POLR2F: variants seen among roughly 807,000 people sequenced by gnomAD.
POLR2F encodes the protein RNA polymerase II, I and III subunit F.
Under a neutral mutation model 22.7 loss-of-function variants are expected in POLR2F, and 12 were observed. The observed-to-expected ratio is 0.53, with a 90% confidence interval of 0.34 to 0.86. POLR2F has a LOEUF of 0.86. POLR2F is among the 40% of genes least tolerant of loss of function. The pLI, the probability that POLR2F is intolerant of heterozygous loss-of-function variation, is 0.02. For synonymous variants in POLR2F, 57 were observed against 66.0 expected (o/e 0.86, Z 0.66); for missense variants, 126 against 171.5 (o/e 0.73, Z 1.48).
chr22:38,019,939 G>A (rs1422552381), intron 1 of POLR2F, among the ~76,000 whole-genome samples: 1 of 152,140 alleles, frequency 6.6e-6, no homozygotes, highest in Non-Finnish European at 1.5e-5. Flanking sequence ...ACTTGAACCC[G>A]GGAGGCAGAG....
chr22:38,009,768 G>A (rs1355260484), intron 1 of POLR2F, among the ~76,000 whole-genome samples: 1 of 152,132 alleles, frequency 6.6e-6, no homozygotes, highest in Non-Finnish European at 1.5e-5. Context: ...CATACAGAAG[G>A]TACTCGTTTT....
chr22:37,987,120 T>C (rs957750007), intron 1 of POLR2F: 2 of 456,578 alleles, frequency 4.4e-6, no homozygotes, highest in African/African-American at 4.0e-5. Context: ...CAAGGTGTGG[T>C]GTCTGGTAGG....
intron 1 of POLR2F, among the ~76,000 whole-genome samples, chr22:37,996,648 A>C (rs2084716874): frequency 6.6e-6 from 1 of 152,150 alleles, no homozygotes; most frequent in Non-Finnish European, 1.5e-5. Flanking sequence ...CAGGAGGAAG[A>C]GCCCTGGGTG....
At chr22:38,001,143 G>GTGGCCTCTTAC (rs1443245888) in intron 1 of POLR2F, among the ~76,000 whole-genome samples, 6 of 152,308 alleles carry the variant, frequency 3.9e-5, no homozygotes, top group African/African-American at 9.6e-5. Flanking sequence ...TCTTTGCCCT[G>GTGGCCTCTTAC]TGGCCTCTTA....
chr22:37,960,917 C>T (rs1053985912), intron 3 of POLR2F, among the ~76,000 whole-genome samples: 9 of 146,664 alleles, frequency 6.1e-5, no homozygotes, highest in Admixed American at 1.4e-4. Flanking sequence ...GGCGTGATCT[C>T]GGTTCACTGC....
At chr22:37,983,794 G>GGCA, upstream of POLR2F, 1 of 1,419,990 alleles carries the variant, frequency 7.0e-7, no homozygotes, top group Non-Finnish European at 9.2e-7. This position sits in a 1 kb window ranked among gnomAD's most constrained non-coding sequence, Gnocchi z 9.5. Flanking sequence ...TGTCGCCCCC[G>GGCA]GCCGCCGCCG....
chr22:38,040,946 G>T (rs1439809014), intron 5 of POLR2F: 5 of 1,513,440 alleles, frequency 3.3e-6, no homozygotes, highest in Non-Finnish European at 4.5e-6. Context: ...CCAGAGGAGA[G>T]AGAATAATGA....
chr22:37,969,942 G>A (rs550394431), downstream of POLR2F, among the ~76,000 whole-genome samples: 1 of 152,270 alleles, frequency 6.6e-6, no homozygotes, highest in East Asian at 1.9e-4. Flanking sequence ...TGACAGAGAA[G>A]TGTGTGCTTC....
chr22:38,040,307 A>G (rs1239620113), intron 5 of POLR2F: 1 of 146,758 alleles, frequency 6.8e-6, no homozygotes, highest in East Asian at 1.9e-4. Flanking sequence ...AAAAAAAAAG[A>G]AATTGAGAAA....
chr22:37,966,555 T>A (rs1314706728), intron 3 of POLR2F, among the ~76,000 whole-genome samples: 1 of 152,090 alleles, frequency 6.6e-6, no homozygotes, highest in African/African-American at 2.4e-5. Flanking sequence ...GGCGGATTGC[T>A]TGAGCCCAGG....
At chr22:38,040,266 C>T (rs901427549) in intron 5 of POLR2F, 6 of 108,100 alleles carry the variant, frequency 5.6e-5, no homozygotes, top group Admixed American at 2.6e-4. Flanking sequence ...GCCTGGGGGC[C>T]AGTGAGACCC....
intron 5 of POLR2F, among the ~76,000 whole-genome samples, chr22:38,036,384 A>G (rs2085116392): frequency 6.6e-6 from 1 of 151,702 alleles, no homozygotes; most frequent in Admixed American, 6.6e-5. Context: ...TCCCCGAAGG[A>G]GAGGCTTCCT....
At chr22:37,957,829 C>T (rs1444866757) in intron 2 of POLR2F, among the ~76,000 whole-genome samples, 1 of 152,198 alleles carries the variant, frequency 6.6e-6, no homozygotes, top group Non-Finnish European at 1.5e-5. Flanking sequence ...AGACTCTGCT[C>T]TGTGTGCTCT....
upstream of POLR2F, chr22:37,983,755 C>T (rs1932481133): frequency 2.7e-6 from 4 of 1,486,240 alleles, no homozygotes; most frequent in Non-Finnish European, 3.6e-6. The surrounding 1 kb of genome is among the most constrained non-coding windows in gnomAD (Gnocchi z 9.5). Flanking sequence ...GGCTCAGCTC[C>T]ACCTCCGATA....
chr22:38,027,978 A>G (rs1312679806), downstream of POLR2F, among the ~76,000 whole-genome samples: 1 of 152,088 alleles, frequency 6.6e-6, no homozygotes, highest in African/African-American at 2.4e-5. Context: ...AGCTATAGAG[A>G]GGTTAGGATT....
intron 1 of POLR2F, among the ~76,000 whole-genome samples, chr22:37,993,354 C>T (rs1932756838): frequency 6.6e-6 from 1 of 152,152 alleles, no homozygotes; most frequent in Non-Finnish European, 1.5e-5. Flanking sequence ...TGCCCCAGAC[C>T]AGGGCTGGGC....
rs373717887 is a variant in POLR2F, at chr22:38,010,897, G to A, written c.121-14972G>A. 2.4e-4 allele frequency among the ~76,000 whole-genome samples: 36 copies of A among 152,214 alleles called. No individual in the cohort carries two copies. In the East Asian group the frequency reaches 3.5e-3, roughly 15 times the overall value. On this transcript the variant is annotated intron_variant, in intron 1 of 2. Coordinates refer to the POLR2F transcript ENST00000333418. The stretch of plus-strand genomic sequence containing the variant: ...CTCCCAAAGTGCTGGGATAACAGGC[G>A]TGAGCCACTGCACCCAGCCTTAATG...
At chr22:37,990,023 T>C (rs576081072) in intron 1 of POLR2F, among the ~76,000 whole-genome samples, 2 of 152,284 alleles carry the variant, frequency 1.3e-5, no homozygotes, top group African/African-American at 4.8e-5. Context: ...GTGCTCTGCC[T>C]CCTTACTGAA....
chr22:37,964,684 G>C (rs1569164218), intron 3 of POLR2F, among the ~76,000 whole-genome samples: 1 of 150,664 alleles, frequency 6.6e-6, no homozygotes, highest in Non-Finnish European at 1.5e-5. Flanking sequence ...GAATTCTCCA[G>C]CCTCAGCCTC....
Sources: gnomAD v4.1 joint callset for allele counts (sites outside exome capture counted in the v4.1 genomes callset) on GRCh38, gnomAD v4.1.1 for gene constraint, Gnocchi (gnomAD v3.1) non-coding constraint, MANE v1.5 for transcripts, NCBI Gene and HGNC (gene_info 2026-07-23, HGNC 2026-07-21) for gene names.